Variants in UNC5A observed in about 807,000 individuals in gnomAD.
UNC5A encodes the protein netrin receptor UNC5A.
A neutral mutation model predicts 87.4 loss-of-function variants in UNC5A; 20 were observed. The observed-to-expected ratio is 0.23, with a 90% CI of 0.16 to 0.33. The LOEUF (loss-of-function observed/expected upper bound fraction) is 0.33. Among genes scored for constraint, UNC5A ranks in the 10% least tolerant of loss-of-function variants. The pLI is 1.00. For synonymous variants in UNC5A, 438 were observed against 482.3 expected (o/e 0.91, Z 1.20); for missense variants, 844 against 1,133.4 (o/e 0.74, Z 3.67).
At position 176,875,894 on chromosome 5, in the gene UNC5A, C is replaced by T. The variant is rs1386989289; in HGVS notation, c.1379-1298C>T. Among the ~76,000 whole-genome samples the T allele has an allele frequency of 6.6e-6, 1 of 152,238 alleles. No individual in the cohort carries two copies. Among genetic ancestry groups the T allele is most frequent in the Admixed American group, 6.5e-5 (1 of 15,292 alleles). Reference sequence around the variant, plus strand: ...GACAGCTCTTGCCGTCTGTGCCTCACGTCCACACGGATGATAACGAACCCC... The same window carrying T: ...GACAGCTCTTGCCGTCTGTGCCTCATGTCCACACGGATGATAACGAACCCC... On this transcript the variant is annotated intron_variant, in intron 8 of 14. Transcript: ENST00000329542. The surrounding 1 kb of genome is among the most constrained non-coding windows in gnomAD (Gnocchi z 5.2).
intron 1 of UNC5A, among the ~76,000 whole-genome samples, chr5:176,842,581 A>G (rs907324734): frequency 6.6e-6 from 1 of 152,124 alleles, no homozygotes; most frequent in African/African-American, 2.4e-5. Flanking sequence ...GAGACTGGAG[A>G]CTATAAGTGA....
chr5:176,879,628 T>C, intron 14 of UNC5A, 93 bp from the exon 15 acceptor site: 12 of 1,558,108 alleles, frequency 7.7e-6, no homozygotes, highest in Non-Finnish European at 1.0e-5. Flanking sequence ...GTGTTTGGCT[T>C]CGGGGAGGCC....
chr5:176,818,172 T>A (rs1004828098), intron 1 of UNC5A, among the ~76,000 whole-genome samples: 3 of 152,186 alleles, frequency 2.0e-5, no homozygotes, highest in African/African-American at 7.2e-5. Context: ...TCAGGCGATC[T>A]TGTGCCTGGG....
intron 1 of UNC5A, among the ~76,000 whole-genome samples, chr5:176,837,512 C>G (rs140833068): frequency 6.6e-6 from 1 of 152,072 alleles, no homozygotes; most frequent in Non-Finnish European, 1.5e-5. Context: ...CTTGGGTACC[C>G]GAGGCCAGAT....
intron 1 of UNC5A, among the ~76,000 whole-genome samples, chr5:176,817,273 G>A (rs573182595): frequency 6.8e-6 from 1 of 147,608 alleles, no homozygotes; most frequent in South Asian, 2.2e-4. Flanking sequence ...ATGTAGCTGA[G>A]ATGGGGAGGG....
intron 1 of UNC5A, among the ~76,000 whole-genome samples, chr5:176,840,811 T>C (rs1290013729): frequency 6.6e-6 from 1 of 152,222 alleles, no homozygotes; most frequent in African/African-American, 2.4e-5. Context: ...CAGGGAGACC[T>C]GCCCCCATGA....
intron 1 of UNC5A, among the ~76,000 whole-genome samples, chr5:176,816,874 A>C (rs987092069): frequency 6.6e-6 from 1 of 152,206 alleles, no homozygotes; most frequent in East Asian, 1.9e-4. Context: ...CTGGGGAGCC[A>C]GGAGGGAGGG....
At chr5:176,879,212 T>C in intron 13 of UNC5A, 98 bp from the exon 14 acceptor site, 3 of 1,390,238 alleles carry the variant, frequency 2.2e-6, no homozygotes, top group Non-Finnish European at 2.9e-6. Context: ...GCCGCCCCCA[T>C]GCTCTGGGGG....
intron 1 of UNC5A, among the ~76,000 whole-genome samples, chr5:176,829,881 C>CTT (rs70991576): frequency 1.1e-5 from 1 of 87,318 alleles, no homozygotes; most frequent in African/African-American, 3.3e-5. Context: ...ATCACTGCTC[C>CTT]TTTTTTTTTT....
In UNC5A at chr5:176,868,254, GGCCTACATCCGCATAGCCTGT is replaced by G; in HGVS notation, c.419_436+3del. The G allele has an allele frequency of 6.2e-7, 1 of 1,613,614 alleles. No homozygotes were observed. The highest frequency in any genetic ancestry group is 8.5e-7 in the Non-Finnish European group (1 of 1,179,962). On this transcript the variant is annotated splice_donor_variant and coding_sequence_variant, in exon 3 of 15. Transcript: ENST00000329542. LOFTEE classifies it high-confidence loss of function. Reference sequence around the variant, plus strand: ...CCTCGGGCACCACCAAGAGTCAGAAGGCCTACATCCGCATAGCCTGTGAGTCTAGGGCTGGGCCCTGGGGGA... The same window carrying G: ...CCTCGGGCACCACCAAGAGTCAGAAGGAGTCTAGGGCTGGGCCCTGGGGGA...
chr5:176,859,821 G>A (rs935823544), intron 1 of UNC5A, among the ~76,000 whole-genome samples: 28 of 152,068 alleles, frequency 1.8e-4, no homozygotes, highest in Admixed American at 5.9e-4. Flanking sequence ...GGTCATAGCT[G>A]CTAGAATGTC....
In UNC5A at chr5:176,838,296, T is replaced by C. The variant is rs114844181; in HGVS notation, c.71-24328T>C. On this transcript the variant is annotated intron_variant, in intron 1 of 14. Coordinates refer to ENST00000329542, the MANE Select transcript of UNC5A (RefSeq NM_133369.3). This position sits in a 1 kb window ranked among gnomAD's most constrained non-coding sequence, Gnocchi z 4.2. ...AGCCACTCCCCTGCTAAAAAGCCTG[T>C]GATGGTTCCCCAATGCCTATAGAAA... is the stretch of plus-strand genomic sequence containing the variant. 7.6e-3 allele frequency among the ~76,000 whole-genome samples: 1,162 copies of C among 152,294 alleles called. 15 individuals are homozygous for C. The highest frequency in any genetic ancestry group is 0.027 in the African/African-American group (1,121 of 41,554).
In UNC5A at chr5:176,866,495, G is replaced by A. The variant is rs900095816; in HGVS notation, c.293-1635G>A. On this transcript the variant is annotated intron_variant, in intron 2 of 14. Coordinates refer to ENST00000329542, the MANE Select transcript of UNC5A (RefSeq NM_133369.3). This position sits in a 1 kb window ranked among gnomAD's most constrained non-coding sequence, Gnocchi z 5.0. ...TGTTCTCCCAAGCTGAGCCGCCTGG[G>A]CCATGGGTGAGGCTCCTGAAGGAGG... Among the ~76,000 whole-genome samples, 1 of 152,188 alleles carries A rather than the reference G, an allele frequency of 6.6e-6. No homozygotes were observed. Among genetic ancestry groups the A allele is most frequent in the African/African-American group, 2.4e-5 (1 of 41,438 alleles).
intron 1 of UNC5A, among the ~76,000 whole-genome samples, chr5:176,860,207 T>C (rs1022775029): frequency 2.0e-5 from 3 of 152,156 alleles, no homozygotes; most frequent in Non-Finnish European, 4.4e-5. Context: ...AACCTGCCAC[T>C]GGGGGGGCTT....
At chr5:176,813,136 G>A (rs1478129155) in intron 1 of UNC5A, among the ~76,000 whole-genome samples, 4 of 152,170 alleles carry the variant, frequency 2.6e-5, no homozygotes, top group African/African-American at 4.8e-5. Flanking sequence ...CTCTGTGCCC[G>A]CGCACGCAAG....
intron 1 of UNC5A, among the ~76,000 whole-genome samples, chr5:176,812,916 C>T (rs929501843): frequency 6.6e-6 from 1 of 152,190 alleles, no homozygotes; most frequent in Non-Finnish European, 1.5e-5. Context: ...CGGGCTCCTC[C>T]CGCGCTGCCT....
At chr5:176,840,906 C>T (rs1757260712) in intron 1 of UNC5A, among the ~76,000 whole-genome samples, 1 of 152,222 alleles carries the variant, frequency 6.6e-6, no homozygotes, top group African/African-American at 2.4e-5. Flanking sequence ...TTGAGCAGCA[C>T]AGAGAGCTGC....
Position 176,868,798 on chromosome 5 carries a change from G to A in UNC5A, c.555G>A (p.Arg185=). 6.2e-7 allele frequency: 1 copy of A among 1,600,246 alleles called. No individual in the cohort carries two copies. Among genetic ancestry groups the A allele is most frequent in the Non-Finnish European group, 8.5e-7 (1 of 1,169,974 alleles). ...CCCTCCCCTAGGTGGAGTGGCTCCGGAACGAGGACCTGGTGGACCCGTCCC... is the reference window on the plus strand; with the variant it reads ...CCCTCCCCTAGGTGGAGTGGCTCCGAAACGAGGACCTGGTGGACCCGTCCC... ...GIPPAEVEWL[R]NEDLVDPSLD... is the part of the protein sequence containing the mutation. Residue 185 remains arginine (R), a synonymous_variant, in exon 5 of 15, where the codon CGG becomes CGA. Transcript: ENST00000329542.
At chr5:176,849,414 G>A (rs543698197) in intron 1 of UNC5A, among the ~76,000 whole-genome samples, 28 of 152,170 alleles carry the variant, frequency 1.8e-4, no homozygotes, top group African/African-American at 3.9e-4. Flanking sequence ...GTGAAACCCC[G>A]TCTCTACTAA....
Sources: allele counts gnomAD v4.1 joint callset (sites outside exome capture counted in the v4.1 genomes callset), GRCh38; gene constraint gnomAD v4.1.1; non-coding constraint Gnocchi (gnomAD v3.1); transcripts MANE v1.5; gene names NCBI Gene and HGNC (gene_info 2026-07-23, HGNC 2026-07-21).